Variants in SFMBT2 observed in about 807,000 individuals in gnomAD.
The protein encoded by SFMBT2 is scm-like with four MBT domains protein 2.
SFMBT2 carries 38 observed loss-of-function variants against 110.1 expected under a neutral mutation model. The observed-to-expected ratio is 0.35, with a 90% confidence interval of 0.27 to 0.45. The LOEUF is 0.45. Ranked by LOEUF, SFMBT2 falls within the 20% of genes least tolerant of loss-of-function variation. The probability of loss-of-function intolerance (pLI) is 1.00; values close to 1 mark genes in which losing one functional copy is unlikely to be tolerated. For missense variants in SFMBT2, 1,011 were observed against 1,094.9 expected, an observed-to-expected ratio of 0.92 and a Z score of 1.08; for synonymous variants, 425 against 425.4, an observed-to-expected ratio of 1.00 and a Z score of 0.01.
At chr10:7,377,826 T>C (rs12254793) in intron 2 of SFMBT2, among the ~76,000 whole-genome samples, 14,294 of 152,146 alleles carry the variant, frequency 0.094, 1,019 homozygotes, top group African/African-American at 0.2. Flanking sequence ...CATGGACCAG[T>C]ACCAATCTGT....
At position 7,194,262 on chromosome 10, in the gene SFMBT2, A is replaced by C. The variant is rs543145698; in HGVS notation, c.1698+3286T>G. On this transcript the variant is annotated intron_variant, in intron 15 of 20. Transcript: ENST00000397167. ...CTGCACCCCCTCGAATTGAGGCCAGACACGCTCGTGGTCCTGCCAAACCCC... is the reference window on the plus strand; with the variant it reads ...CTGCACCCCCTCGAATTGAGGCCAGCCACGCTCGTGGTCCTGCCAAACCCC... Among the ~76,000 whole-genome samples, 12 of 152,244 alleles carry C rather than the reference A, an allele frequency of 7.9e-5. No homozygotes were observed. The South Asian group carries it at 2.5e-3, about 32-fold the overall frequency.
At chr10:7,362,047 G>A (rs539344639) in intron 4 of SFMBT2, among the ~76,000 whole-genome samples, 26 of 152,240 alleles carry the variant, frequency 1.7e-4, no homozygotes, top group Non-Finnish European at 2.2e-4. Flanking sequence ...CATTGCATGC[G>A]CTTATGAATA....
chr10:7,269,455 A>G (rs1455113611), intron 7 of SFMBT2, among the ~76,000 whole-genome samples: 2 of 152,144 alleles, frequency 1.3e-5, no homozygotes, highest in Admixed American at 1.3e-4. Flanking sequence ...CATTTCATCT[A>G]AAGTGTAAAA....
At chr10:7,315,108 GAAAAAGCAAGCA>G (rs1389123876) in intron 4 of SFMBT2, among the ~76,000 whole-genome samples, 117 of 132,848 alleles carry the variant, frequency 8.8e-4, no homozygotes, top group Middle Eastern at 3.7e-3. Flanking sequence ...AAGAAAGAAA[GAAAAAGCAAGCA>G]AGCAAGCCAG....
At chr10:7,268,679 T>C (rs1482837072) in intron 7 of SFMBT2, among the ~76,000 whole-genome samples, 1 of 152,082 alleles carries the variant, frequency 6.6e-6, no homozygotes, top group Non-Finnish European at 1.5e-5. Context: ...CCCAGCTAAT[T>C]TTTGTATTTT....
At chr10:7,204,723 A>G (rs1329686024) in intron 12 of SFMBT2, 1 of 188,438 alleles carries the variant, frequency 5.3e-6, no homozygotes, top group Non-Finnish European at 9.9e-6. Flanking sequence ...AAAATATAAA[A>G]TTAGCTGGGC....
At chr10:7,273,940 A>G (rs1405674874) in intron 7 of SFMBT2, among the ~76,000 whole-genome samples, 2 of 152,226 alleles carry the variant, frequency 1.3e-5, no homozygotes, top group Non-Finnish European at 2.9e-5. Context: ...TATATACCCA[A>G]AGGATTATAA....
intron 10 of SFMBT2, among the ~76,000 whole-genome samples, chr10:7,221,245 G>T (rs1009816642): frequency 1.3e-5 from 2 of 152,040 alleles, no homozygotes; most frequent in African/African-American, 4.8e-5. Flanking sequence ...TCCTTTACAG[G>T]AAATGGGAAA....
At chr10:7,317,072 T>C (rs1039406046) in intron 4 of SFMBT2, among the ~76,000 whole-genome samples, 1 of 152,152 alleles carries the variant, frequency 6.6e-6, no homozygotes, top group East Asian at 1.9e-4. Flanking sequence ...CCCTCATCAG[T>C]TGCAGTCTTT....
At chr10:7,180,449 T>C (rs1263449308) in intron 16 of SFMBT2, among the ~76,000 whole-genome samples, 4 of 151,364 alleles carry the variant, frequency 2.6e-5, no homozygotes, top group Non-Finnish European at 5.9e-5. Flanking sequence ...CCCTTTAGGG[T>C]TTTGCAAAAA....
intron 7 of SFMBT2, among the ~76,000 whole-genome samples, chr10:7,273,413 G>A (rs1841664927): frequency 6.6e-6 from 1 of 152,214 alleles, no homozygotes; most frequent in East Asian, 1.9e-4. Flanking sequence ...GCCTGCTCCT[G>A]AGAGCTAAGT....
chr10:7,288,020 T>C (rs1842147789), intron 4 of SFMBT2, among the ~76,000 whole-genome samples: 2 of 152,258 alleles, frequency 1.3e-5, no homozygotes, highest in Admixed American at 1.3e-4. Context: ...ATATTAGCTC[T>C]TGTTTTATTA....
chr10:7,197,909 CT>C lies in SFMBT2; in HGVS notation c.1559-223del, dbSNP rs1422354447. The C allele has an allele frequency of 4.4e-6, 4 of 919,316 alleles. No individual in the cohort carries two copies. In the African/African-American group the frequency reaches 7.3e-5, roughly 17 times the overall value. 56.9% of individuals were successfully genotyped at this position (919,316 alleles called of 1,614,324 possible). On this transcript the variant is annotated intron_variant, in intron 14 of 20. Coordinates refer to ENST00000397167, the MANE Select transcript of SFMBT2 (RefSeq NM_001387889.1). ...TTAGAACTGTAATTAGGAGGCCACA[CT>C]CTAGTTCCAAATCGTGACAAAGCAG...
intron 2 of SFMBT2, among the ~76,000 whole-genome samples, chr10:7,377,920 CAAAG>C (rs2132073587): frequency 7.6e-6 from 1 of 132,022 alleles, no homozygotes; most frequent in East Asian, 2.2e-4. Flanking sequence ...GAAAGAACAA[CAAAG>C]AATCTAAGTT....
intron 9 of SFMBT2, among the ~76,000 whole-genome samples, chr10:7,243,129 C>T (rs1400303602): frequency 2.6e-5 from 4 of 152,124 alleles, no homozygotes; most frequent in Non-Finnish European, 4.4e-5. Flanking sequence ...ATCTAATTGT[C>T]GGATATCTGA....
intron 16 of SFMBT2, among the ~76,000 whole-genome samples, chr10:7,178,530 A>G (rs902580894): frequency 5.3e-5 from 8 of 152,202 alleles, no homozygotes; most frequent in Admixed American, 2.0e-4. Flanking sequence ...GTAACTATTT[A>G]GTGAAGAATA....
chr10:7,385,745 A>G lies in SFMBT2; in HGVS notation c.-51-3796T>C, dbSNP rs191797286. The stretch of plus-strand genomic sequence containing the variant: ...CCAGGCACAGTGGCTCACGCCTGTA[A>G]TCCCAGCACTTTGGGAGGCCGAGGC... On this transcript the variant is annotated intron_variant, in intron 1 of 20. Coordinates refer to ENST00000397167, the MANE Select transcript of SFMBT2 (RefSeq NM_001387889.1). Among the ~76,000 whole-genome samples, 697 of 152,256 alleles carry G rather than the reference A, an allele frequency of 4.6e-3. 5 individuals are homozygous for G. Among genetic ancestry groups the G allele is most frequent in the African/African-American group, 0.015 (615 of 41,544 alleles).
intron 11 of SFMBT2, among the ~76,000 whole-genome samples, chr10:7,214,045 T>A (rs908462651): frequency 8.0e-5 from 8 of 99,638 alleles, no homozygotes; most frequent in African/African-American, 1.7e-4. Flanking sequence ...GTGCAGAAGA[T>A]GGAGGAGACA....
rs1483240909 is a variant in SFMBT2 at position 7,367,733 on chromosome 10, C to T, written c.352G>A (p.Asp118Asn). The change falls in exon 4 of 21, where the codon GAC becomes AAC. Residue 118 changes from aspartate to asparagine, a missense_variant. Transcript: ENST00000397167. The surrounding 1 kb of genome is among the most constrained non-coding windows in gnomAD (Gnocchi z 6.2). ...GCGATGACTACGTCACACCAGAAGT[C>T]GGCCCTGCGGTCCTCCCCGTAACCG... ...YCGYGEDRRA[D>N]FWCDVVIADL... is the part of the protein sequence containing the mutation. 4 of 1,613,960 alleles carry T rather than the reference C, an allele frequency of 2.5e-6. No individual in the cohort carries two copies. Among genetic ancestry groups the T allele is most frequent in the African/African-American group, 2.7e-5 (2 of 74,936 alleles).
Sources: gnomAD v4.1 joint callset for allele counts (sites outside exome capture counted in the v4.1 genomes callset) on GRCh38, gnomAD v4.1.1 for gene constraint, Gnocchi (gnomAD v3.1) non-coding constraint, MANE v1.5 for transcripts, NCBI Gene and HGNC (gene_info 2026-07-23, HGNC 2026-07-21) for gene names.